Variants in AKT1S1 observed in about 807,000 individuals in gnomAD.
AKT1S1 encodes the protein proline-rich AKT1 substrate 1.
A neutral mutation model predicts 21.2 loss-of-function variants in AKT1S1; 17 were observed. The observed-to-expected ratio is 0.80, with a 90% CI of 0.55 to 1.20. The LOEUF (loss-of-function observed/expected upper bound fraction) is 1.20, where lower values mean the gene tolerates loss of function less well. AKT1S1 is among the 50% of genes most tolerant of loss of function. The pLI, the probability that AKT1S1 is intolerant of heterozygous loss-of-function variation, is 0.00. For missense variants in AKT1S1, 366 were observed against 368.3 expected (o/e 0.99, Z 0.05); for synonymous variants, 181 against 165.6 (o/e 1.09, Z -0.72).
chr19:49,871,607 G>A lies in AKT1S1; in HGVS notation c.567C>T (p.Pro189=), dbSNP rs113525202. 2,010 of 1,614,016 alleles carry A rather than the reference G, an allele frequency of 1.2e-3. 20 individuals are homozygous for A. The African/African-American group carries it at 0.022, about 18-fold the overall frequency. Residue 189 remains proline, a synonymous_variant, in exon 4 of 5, where the codon CCC becomes CCT. Coordinates refer to ENST00000344175, the MANE Select transcript of AKT1S1 (RefSeq NM_001098633.4). The part of the protein sequence containing the change: ...QYAKSLPVSV[P]VWGFKEKRTE... ...TCCTCTTCTCCTTGAAGCCCCAGAC[G>A]GGCACAGACACAGGCAGGGACTTGG...
At chr19:49,871,089 A>G (rs1205376194) in intron 4 of AKT1S1, among the ~76,000 whole-genome samples, 2 of 152,180 alleles carry the variant, frequency 1.3e-5, no homozygotes, top group African/African-American at 2.4e-5. Context: ...AGGCTCAGTG[A>G]AGGGTGAGGA....
chr19:49,870,283 C>T (rs1568665968), intron 4 of AKT1S1, among the ~76,000 whole-genome samples: 1 of 152,194 alleles, frequency 6.6e-6, no homozygotes, highest in African/African-American at 2.4e-5. Context: ...GCCTACCTGC[C>T]CCTCTCCCTC....
intron 1 of AKT1S1, chr19:49,876,765 C>G: frequency 7.8e-7 from 1 of 1,284,560 alleles, no homozygotes; most frequent in Non-Finnish European, 1.0e-6. Context: ...GGGCTTCATC[C>G]GAACCAGTTG....
rs376054064 is a variant in AKT1S1 at position 49,873,034 on chromosome 19, T to A, written c.262A>T (p.Ser88Cys). The A allele has an allele frequency of 1.5e-5, 23 of 1,561,132 alleles. No individual in the cohort carries two copies. Among genetic ancestry groups the A allele is most frequent in the Non-Finnish European group, 1.9e-5 (22 of 1,153,688 alleles). The part of the protein sequence containing the change: ...PAPPPAPQPP[S>C]PTPSPPRPTL... The stretch of plus-strand genomic sequence containing the variant: ...GGCCGGGGTGGGCTGGGTGTGGGAC[T>A]GGGTGGCTGTGGTGCTGGTGGGGGC... The change falls in exon 2 of 5, where the codon AGT (serine) becomes TGT (cysteine). Residue 88 changes from serine (S) to cysteine (C), a missense_variant. Coordinates refer to ENST00000344175, the MANE Select transcript of AKT1S1 (RefSeq NM_001098633.4). The surrounding 1 kb of genome is among the most constrained non-coding windows in gnomAD (Gnocchi z 6.9).
upstream of AKT1S1, chr19:49,877,692 G>A (rs768862301): frequency 6.3e-7 from 1 of 1,597,520 alleles, no homozygotes; most frequent in Non-Finnish European, 8.5e-7. Flanking sequence ...GGAAAAGGAG[G>A]AGGCGGGGCA....
At chr19:49,878,112 C>T (rs753534207), upstream of AKT1S1, 6 of 1,536,266 alleles carry the variant, frequency 3.9e-6, no homozygotes, top group Non-Finnish European at 5.3e-6. Flanking sequence ...CTCGCTTGGG[C>T]CCCAGCCCTC....
upstream of AKT1S1, chr19:49,877,831 G>A: frequency 4.8e-6 from 7 of 1,464,742 alleles, no homozygotes; most frequent in Admixed American, 2.2e-5. Flanking sequence ...CTTGGCTCTC[G>A]AGAATCCGGC....
chr19:49,876,249 T>G, intron 1 of AKT1S1: 2 of 1,107,210 alleles, frequency 1.8e-6, no homozygotes, highest in Non-Finnish European at 2.2e-6. Context: ...AAACAGGAAA[T>G]CCCGCCCAGA....
rs1434129354 is a variant in AKT1S1 at position 49,870,024 on chromosome 19, T to G, written c.664A>C (p.Met222Leu). The G allele has an allele frequency of 6.4e-7, 1 of 1,552,594 alleles. No homozygotes were observed. Among genetic ancestry groups the G allele is most frequent in the African/African-American group, 1.4e-5 (1 of 72,250 alleles). ...SPDLDRIAAS[M>L]RALVLREAED... The stretch of plus-strand genomic sequence containing the variant: ...GCCTCTCGCAGCACCAGCGCGCGCA[T>G]GCTCGCCGCGATGCGGTCCAGGTCG... The change falls in exon 5 of 5, where the codon ATG becomes CTG. Residue 222 changes from methionine to leucine, a missense_variant. Coordinates refer to ENST00000344175, the MANE Select transcript of AKT1S1 (RefSeq NM_001098633.4).
At chr19:49,878,051 G>A, upstream of AKT1S1, 2 of 1,077,590 alleles carry the variant, frequency 1.9e-6, no homozygotes, top group Admixed American at 2.6e-5. Context: ...CCCGCCCCCT[G>A]AGGGTGGCTC....
At chr19:49,875,856 C>T (rs1390880210) in intron 1 of AKT1S1, 5 of 985,298 alleles carry the variant, frequency 5.1e-6, no homozygotes, top group Non-Finnish European at 6.0e-6. Context: ...GTAGCCAAGA[C>T]CTGGGGGTCC....
chr19:49,872,034 A>T, intron 2 of AKT1S1, 145 bp from the exon 3 acceptor site: 1 of 898,434 alleles, frequency 1.1e-6, no homozygotes, highest in Non-Finnish European at 1.7e-6. Context: ...CCTCAAAAAC[A>T]ACTTCCTCTA....
chr19:49,876,727 C>A (rs1265881583), intron 1 of AKT1S1: 3 of 1,400,866 alleles, frequency 2.1e-6, no homozygotes, highest in Admixed American at 3.2e-5. Context: ...CTTATCGGGG[C>A]CGCCCGAGAT....
At position 49,873,406 on chromosome 19, in the gene AKT1S1, C is replaced by A. The variant is rs956159948; in HGVS notation, c.-7-104G>T. The A allele has an allele frequency of 1.4e-5, 19 of 1,364,644 alleles. No homozygotes were observed. The African/African-American group carries it at 2.8e-4, about 20-fold the overall frequency. 84.5% of individuals were successfully genotyped at this position (1,364,644 alleles called of 1,614,324 possible). The stretch of plus-strand genomic sequence containing the variant: ...CCCCTGGATGGCACTCACCACCCTC[C>A]ACCCACCTTGTCCCAGCGGTGCTGT... On this transcript the variant is annotated intron_variant, in intron 1 of 4. Transcript: ENST00000344175. This position sits in a 1 kb window ranked among gnomAD's most constrained non-coding sequence, Gnocchi z 6.9.
rs1419165741 is a variant in AKT1S1 at position 49,871,535 on chromosome 19, T to C, written c.627+12A>G. ...CAGCTGCCCTCCCTACCTCCCCACA[T>C]TTGCCCCTCACCGGCCCATTCTCCT... On this transcript the variant is annotated intron_variant, in intron 4 of 4. Transcript: ENST00000344175. 26 of 1,613,618 alleles carry C rather than the reference T, an allele frequency of 1.6e-5. No individual in the cohort carries two copies. Among genetic ancestry groups the C allele is most frequent in the Non-Finnish European group, 2.1e-5 (25 of 1,180,002 alleles).
intron 1 of AKT1S1, chr19:49,876,774 T>C (rs2074952299): frequency 2.5e-6 from 3 of 1,204,156 alleles, no homozygotes; most frequent in African/African-American, 1.6e-5. Context: ...CCGAACCAGT[T>C]GACAAGGGTG....
At chr19:49,870,123 G>C in intron 4 of AKT1S1, 63 bp from the exon 5 acceptor site, 1 of 1,368,372 alleles carries the variant, frequency 7.3e-7, no homozygotes, top group African/African-American at 1.5e-5. Context: ...ACCCACACGC[G>C]GTCCAGGGGT....
chr19:49,871,431 G>A (rs974343852), intron 4 of AKT1S1, 116 bp downstream of exon 4: 31 of 1,383,492 alleles, frequency 2.2e-5, no homozygotes, highest in South Asian at 1.4e-4. Flanking sequence ...GAGGTTGAGG[G>A]GAGGATTCAG....
intron 4 of AKT1S1, 135 bp downstream of exon 4, chr19:49,871,412 T>C: frequency 2.5e-6 from 3 of 1,210,758 alleles, no homozygotes; most frequent in Non-Finnish European, 2.4e-6. Flanking sequence ...GTCCAAGAAC[T>C]CGCCTCTTGA....
Sources: gnomAD v4.1 joint callset for allele counts (sites outside exome capture counted in the v4.1 genomes callset) on GRCh38, gnomAD v4.1.1 for gene constraint, Gnocchi (gnomAD v3.1) non-coding constraint, MANE v1.5 for transcripts, NCBI Gene and HGNC (gene_info 2026-07-23, HGNC 2026-07-21) for gene names.